SGCZ: variants seen among roughly 807,000 people sequenced by gnomAD.
SGCZ encodes sarcoglycan zeta.
A neutral mutation model predicts 41.3 loss-of-function variants in SGCZ; 40 were observed. That is an observed-to-expected ratio of 0.97 (90% CI 0.75 to 1.26). SGCZ has a LOEUF of 1.26. Among genes scored for constraint, SGCZ ranks in the 50% most tolerant of loss-of-function variants. SGCZ has a pLI of 0.00. For missense variants in SGCZ, 552 were observed against 369.8 expected, an observed-to-expected ratio of 1.49 and a Z score of -4.04; for synonymous variants, 206 against 137.5, an observed-to-expected ratio of 1.50 and a Z score of -3.49.
At chr8:14,899,935 A>G (rs1399699902) in intron 1 of SGCZ, among the ~76,000 whole-genome samples, 1 of 152,098 alleles carries the variant, frequency 6.6e-6, no homozygotes, top group Non-Finnish European at 1.5e-5. Flanking sequence ...GTAGCTGGTG[A>G]CCTGTACGTA....
chr8:14,769,036 C>G (rs1800139798), intron 1 of SGCZ, among the ~76,000 whole-genome samples: 1 of 151,942 alleles, frequency 6.6e-6, no homozygotes, highest in South Asian at 2.1e-4. Flanking sequence ...TACACACACA[C>G]ACACAAACAC....
At chr8:14,221,655 G>A (rs902764665) in intron 4 of SGCZ, among the ~76,000 whole-genome samples, 3 of 152,324 alleles carry the variant, frequency 2.0e-5, no homozygotes, top group African/African-American at 7.2e-5. Flanking sequence ...AAGAAGTGGG[G>A]TCGGGTGTGG....
rs1277374783 is a variant in SGCZ at position 14,086,938 on chromosome 8, A to G, written c.*3505T>C. Among the ~76,000 whole-genome samples, 1 of 151,706 alleles carries G rather than the reference A, an allele frequency of 6.6e-6. No individual in the cohort carries two copies. Among genetic ancestry groups the G allele is most frequent in the East Asian group, 1.9e-4 (1 of 5,144 alleles). ...GACTAAAGGAAATGTCTAGTTTGAT[A>G]TACCCCTCTCACAGATAAGTGAACT... is the stretch of plus-strand genomic sequence containing the variant. On this transcript the variant is annotated 3_prime_UTR_variant, in exon 8 of 8. Transcript: ENST00000382080.
At chr8:14,163,800 C>T (rs796588217) in intron 5 of SGCZ, among the ~76,000 whole-genome samples, 17 of 152,102 alleles carry the variant, frequency 1.1e-4, no homozygotes, top group East Asian at 9.6e-4. Context: ...TGGATAGATA[C>T]GCATGAGCTG....
At chr8:15,083,634 G>C (rs148254676) in intron 1 of SGCZ, among the ~76,000 whole-genome samples, 1 of 152,202 alleles carries the variant, frequency 6.6e-6, no homozygotes, top group East Asian at 1.9e-4. Context: ...CTGCAGCCTT[G>C]ACCTCCCAGG....
At chr8:14,310,201 C>G (rs1397542715) in intron 3 of SGCZ, among the ~76,000 whole-genome samples, 26 of 152,022 alleles carry the variant, frequency 1.7e-4, no homozygotes, top group Admixed American at 1.7e-3. Flanking sequence ...ATTTGTTTCC[C>G]TATTTGATAG....
intron 2 of SGCZ, among the ~76,000 whole-genome samples, chr8:14,390,513 C>A (rs1166328211): frequency 2.0e-5 from 3 of 151,580 alleles, no homozygotes; most frequent in African/African-American, 7.3e-5. Context: ...CCATAAGGAA[C>A]ATGAAATTTA....
intron 1 of SGCZ, among the ~76,000 whole-genome samples, chr8:14,720,426 A>G (rs1169519767): frequency 6.6e-6 from 1 of 152,168 alleles, no homozygotes; most frequent in African/African-American, 2.4e-5. Flanking sequence ...TAAATAAAAC[A>G]GTTGAATGCA....
At chr8:14,809,675 T>C (rs561869822) in intron 1 of SGCZ, among the ~76,000 whole-genome samples, 2 of 152,164 alleles carry the variant, frequency 1.3e-5, no homozygotes, top group Non-Finnish European at 2.9e-5. Flanking sequence ...TCAAAATTCA[T>C]GCATCTATAA....
chr8:14,200,695 C>A (rs1197783100), intron 4 of SGCZ, among the ~76,000 whole-genome samples: 2 of 151,984 alleles, frequency 1.3e-5, no homozygotes, highest in African/African-American at 4.8e-5. Flanking sequence ...AAACTAGAAG[C>A]CTCAGAGTAG....
intron 1 of SGCZ, among the ~76,000 whole-genome samples, chr8:15,103,867 T>A (rs1038836623): frequency 6.6e-6 from 1 of 152,152 alleles, no homozygotes; most frequent in Non-Finnish European, 1.5e-5. Context: ...ATGCAAAGCA[T>A]ACAAATACGA....
rs551546213 is a variant in SGCZ, at chr8:14,594,823, C to T, written c.40-39897G>A. ...TTAAAGAGACTATGCAATGTTATGA[C>T]GTAAGACGTTTTCCTTAAAAATTTT... On this transcript the variant is annotated intron_variant, in intron 1 of 7. Transcript: ENST00000382080. Among the ~76,000 whole-genome samples, 28 of 151,778 alleles carry T rather than the reference C, an allele frequency of 1.8e-4. No homozygotes were observed. In the East Asian group the frequency reaches 2.1e-3, roughly 12 times the overall value.
chr8:14,814,634 T>C (rs1221340223), intron 1 of SGCZ, among the ~76,000 whole-genome samples: 1 of 152,108 alleles, frequency 6.6e-6, no homozygotes, highest in Non-Finnish European at 1.5e-5. Context: ...TCAGAGAAGA[T>C]GGGAGGACGC....
chr8:15,155,311 T>C (rs1295421460), intron 1 of SGCZ, among the ~76,000 whole-genome samples: 1 of 151,530 alleles, frequency 6.6e-6, no homozygotes, highest in Non-Finnish European at 1.5e-5. Flanking sequence ...AATAAATAAA[T>C]AAGTGTTTCA....
intron 1 of SGCZ, among the ~76,000 whole-genome samples, chr8:14,874,826 T>C (rs1052985619): frequency 2.0e-5 from 3 of 152,130 alleles, no homozygotes; most frequent in South Asian, 2.1e-4. Context: ...CTTTCTGAGG[T>C]ATATTCACCT....
At chr8:14,354,785 A>T (rs2117114352) in intron 2 of SGCZ, among the ~76,000 whole-genome samples, 1 of 151,992 alleles carries the variant, frequency 6.6e-6, no homozygotes, top group East Asian at 1.9e-4. Context: ...AAAAAACATG[A>T]CTTTAAATTC....
chr8:15,038,687 G>T (rs1803958387), intron 1 of SGCZ, among the ~76,000 whole-genome samples: 1 of 150,808 alleles, frequency 6.6e-6, no homozygotes, highest in African/African-American at 2.4e-5. Context: ...AGAATGGTAA[G>T]AAAAAATTGT....
intron 1 of SGCZ, among the ~76,000 whole-genome samples, chr8:14,992,023 CAATCTACTCCCA>C (rs1197999620): frequency 3.3e-5 from 5 of 149,758 alleles, no homozygotes; most frequent in African/African-American, 4.9e-5. Flanking sequence ...CCTCCTCATT[CAATCTACTCCCA>C]AATCTACTCC....
intron 2 of SGCZ, among the ~76,000 whole-genome samples, chr8:14,507,180 G>A (rs1802330286): frequency 7.0e-6 from 1 of 143,630 alleles, no homozygotes; most frequent in Admixed American, 6.8e-5. Context: ...TATCCAATCT[G>A]CAAATCAAGT....
Sources: allele counts gnomAD v4.1 joint callset (sites outside exome capture counted in the v4.1 genomes callset), GRCh38; gene constraint gnomAD v4.1.1; transcripts MANE v1.5; gene names NCBI Gene and HGNC (gene_info 2026-07-23, HGNC 2026-07-21).